Variants in CACHD1 observed in about 807,000 individuals in gnomAD.
The protein encoded by CACHD1 is VWFA and cache domain-containing protein 1.
In CACHD1, 71 loss-of-function variants were observed where a neutral mutation model predicts 138.7. That is an observed-to-expected ratio of 0.51 (90% CI 0.42 to 0.62). The LOEUF (loss-of-function observed/expected upper bound fraction) is 0.62. CACHD1 is among the 20% of genes least tolerant of loss of function. The pLI is 0.00. For missense variants in CACHD1, 1,389 were observed against 1,625.3 expected (o/e 0.85, Z 2.50); for synonymous variants, 578 against 591.5 (o/e 0.98, Z 0.33).
In CACHD1 at chr1:64,470,468, C is replaced by A. The variant is rs1646135831; in HGVS notation, c.-277C>A. On this transcript the variant is annotated 5_prime_UTR_variant, in exon 1 of 27. Coordinates refer to ENST00000651257, the MANE Select transcript of CACHD1 (RefSeq NM_020925.4). This position sits in a 1 kb window ranked among gnomAD's most constrained non-coding sequence, Gnocchi z 5.2. ...CCCCTGCTCTCGGAGACGCCCTCTG[C>A]GCCGCGGGGCCCGTGTGGGCGCCGG... Among the ~76,000 whole-genome samples, 1 of 151,418 alleles carries A rather than the reference C, an allele frequency of 6.6e-6. No individual in the cohort carries two copies. The highest frequency in any genetic ancestry group is 1.5e-5 in the Non-Finnish European group (1 of 67,816).
In CACHD1 at chr1:64,691,837, G is replaced by A. The variant is rs900589659; in HGVS notation, c.*276G>A. ...ACACTAATGGAAGGTAACAGAAGGC[G>A]AACCTCCAAACACAGAGACGGAACC... is the stretch of plus-strand genomic sequence containing the variant. On this transcript the variant is annotated 3_prime_UTR_variant, in exon 27 of 27. Transcript: ENST00000651257. 11 of 427,400 alleles carry A rather than the reference G, an allele frequency of 2.6e-5. No individual in the cohort carries two copies. Among genetic ancestry groups the A allele is most frequent in the African/African-American group, 3.9e-5 (2 of 50,716 alleles). The allele number at this position is 427,400 out of a possible 1,614,324, so 26.5% of individuals were successfully genotyped here.
At chr1:64,548,816 T>C (rs963521561) in intron 1 of CACHD1, among the ~76,000 whole-genome samples, 1 of 152,244 alleles carries the variant, frequency 6.6e-6, no homozygotes, top group Admixed American at 6.5e-5. Context: ...TGTAAAACTT[T>C]TGATTTTCAG....
At chr1:64,629,259 A>T in intron 4 of CACHD1, 96 bp from the exon 5 acceptor site, 1 of 1,360,718 alleles carries the variant, frequency 7.3e-7, no homozygotes, top group South Asian at 1.4e-5. Context: ...ATTTCTTCAT[A>T]CTAGAAGCAG....
At chr1:64,477,630 TTTTA>T (rs1183225410) in intron 1 of CACHD1, among the ~76,000 whole-genome samples, 86 of 124,096 alleles carry the variant, frequency 6.9e-4, no homozygotes, top group African/African-American at 9.4e-4. Context: ...TATTATTTTA[TTTTA>T]TTTTTTTTTT....
intron 5 of CACHD1, among the ~76,000 whole-genome samples, chr1:64,630,520 C>T (rs192605703): frequency 3.3e-5 from 5 of 152,192 alleles, no homozygotes; most frequent in East Asian, 1.9e-4. Flanking sequence ...AGGCTAGTCT[C>T]GAACTCCTGA....
chr1:64,494,621 A>G (rs1230333465), intron 1 of CACHD1, among the ~76,000 whole-genome samples: 3 of 152,228 alleles, frequency 2.0e-5, no homozygotes, highest in African/African-American at 4.8e-5. Context: ...GTTACCTACC[A>G]GTGAAACCAC....
intron 1 of CACHD1, among the ~76,000 whole-genome samples, chr1:64,543,402 C>CATACAT (rs1553131373): frequency 1.7e-4 from 22 of 126,870 alleles, no homozygotes; most frequent in African/African-American, 6.2e-4. Flanking sequence ...AAAAAAAATA[C>CATACAT]ATATATATAT....
chr1:64,520,118 C>G (rs1014758965), intron 1 of CACHD1, among the ~76,000 whole-genome samples: 5 of 152,178 alleles, frequency 3.3e-5, no homozygotes, highest in African/African-American at 1.2e-4. Context: ...GAGGAGAGTT[C>G]TGTTATCTTT....
chr1:64,646,614 C>G (rs984493112), intron 8 of CACHD1, among the ~76,000 whole-genome samples: 1 of 151,928 alleles, frequency 6.6e-6, no homozygotes, highest in Non-Finnish European at 1.5e-5. Context: ...TGCCTGTAAT[C>G]CCAGCTACCC....
At chr1:64,513,402 G>A (rs1275753029) in intron 1 of CACHD1, among the ~76,000 whole-genome samples, 2 of 152,172 alleles carry the variant, frequency 1.3e-5, no homozygotes, top group African/African-American at 2.4e-5. Flanking sequence ...AAGCCATAGA[G>A]CTATAAGATA....
At chr1:64,547,472 TCTC>T (rs1443185805) in intron 1 of CACHD1, among the ~76,000 whole-genome samples, 1 of 152,156 alleles carries the variant, frequency 6.6e-6, no homozygotes, top group Non-Finnish European at 1.5e-5. Flanking sequence ...TTCGAGCAAT[TCTC>T]CTCCCTCAGC....
chr1:64,604,730 G>A (rs1647285423), intron 4 of CACHD1, among the ~76,000 whole-genome samples: 1 of 151,924 alleles, frequency 6.6e-6, no homozygotes, highest in Non-Finnish European at 1.5e-5. Context: ...ATGGCTCACT[G>A]CAACCCCTGC....
At chr1:64,678,674 T>C (rs1570477066) in intron 23 of CACHD1, among the ~76,000 whole-genome samples, 1 of 152,326 alleles carries the variant, frequency 6.6e-6, no homozygotes, top group Admixed American at 6.5e-5. Context: ...TAGTGCCTGC[T>C]AAAACCTTCA....
intron 4 of CACHD1, among the ~76,000 whole-genome samples, chr1:64,625,687 T>C (rs1331054884): frequency 6.6e-6 from 1 of 151,772 alleles, no homozygotes; most frequent in Admixed American, 6.6e-5. Context: ...ATTCATGTGA[T>C]GATTACCCTA....
intron 1 of CACHD1, among the ~76,000 whole-genome samples, chr1:64,475,171 C>CTTTTTTTTTTTTTTTTTTTTTTTTTTTT (rs3078373): frequency 4.8e-5 from 6 of 124,286 alleles, no homozygotes; most frequent in South Asian, 2.7e-4. Context: ...AAATTCCTTC[C>CTTTTTTTTTTTTTTTTTTTTTTTTTTTT]TTTTTTTTTT....
chr1:64,686,229 A>G (rs1331262236), intron 26 of CACHD1, among the ~76,000 whole-genome samples: 1 of 152,182 alleles, frequency 6.6e-6, no homozygotes, highest in Non-Finnish European at 1.5e-5. Context: ...TGTTACACAA[A>G]AGGAAACTCA....
chr1:64,534,383 GT>G (rs1646615580), intron 1 of CACHD1, among the ~76,000 whole-genome samples: 1 of 152,108 alleles, frequency 6.6e-6, no homozygotes, highest in Non-Finnish European at 1.5e-5. Flanking sequence ...CTCTGACTGT[GT>G]GTAAAATCTC....
At chr1:64,484,457 T>C (rs572719922) in intron 1 of CACHD1, among the ~76,000 whole-genome samples, 2 of 152,230 alleles carry the variant, frequency 1.3e-5, no homozygotes, top group Admixed American at 1.3e-4. Context: ...GGGAGGAATT[T>C]GGGTTCTTAT....
At chr1:64,586,929 A>G (rs1397011939) in intron 3 of CACHD1, among the ~76,000 whole-genome samples, 2 of 152,248 alleles carry the variant, frequency 1.3e-5, no homozygotes, top group Non-Finnish European at 2.9e-5. Flanking sequence ...TTGTAGTTCT[A>G]TGAGGCAAAC....
Sources: allele counts gnomAD v4.1 joint callset (sites outside exome capture counted in the v4.1 genomes callset), GRCh38; gene constraint gnomAD v4.1.1; non-coding constraint Gnocchi (gnomAD v3.1); transcripts MANE v1.5; gene names NCBI Gene and HGNC (gene_info 2026-07-23, HGNC 2026-07-21).